KLHL32: variants seen among roughly 807,000 people sequenced by gnomAD.
The protein encoded by KLHL32 is kelch like family member 32.
KLHL32 carries 35 observed loss-of-function variants against 64.8 expected under a neutral mutation model. The ratio of observed to expected loss-of-function variants is 0.54; its 90% CI spans 0.41 to 0.72. KLHL32 has a LOEUF of 0.72. Ranked by LOEUF, KLHL32 falls within the 30% of genes least tolerant of loss-of-function variation. The pLI, the probability that KLHL32 is intolerant of heterozygous loss-of-function variation, is 0.00. For synonymous variants in KLHL32, 259 were observed against 281.0 expected (o/e 0.92, Z 0.78); for missense variants, 589 against 768.5 (o/e 0.77, Z 2.76).
intron 3 of KLHL32, among the ~76,000 whole-genome samples, chr6:96,994,069 A>G (rs979519012): frequency 3.9e-5 from 6 of 152,232 alleles, no homozygotes; most frequent in African/African-American, 1.4e-4. Context: ...GCTGTTTGCT[A>G]TAGAAACATC....
At chr6:97,061,765 C>A (rs113573748) in intron 4 of KLHL32, among the ~76,000 whole-genome samples, 1 of 152,150 alleles carries the variant, frequency 6.6e-6, no homozygotes, top group Admixed American at 6.5e-5. Context: ...GCCAGTCCTT[C>A]GAGGCAGGTG....
At chr6:97,126,237 G>A (rs1184720879) in intron 7 of KLHL32, among the ~76,000 whole-genome samples, 1 of 151,838 alleles carries the variant, frequency 6.6e-6, no homozygotes, top group Non-Finnish European at 1.5e-5. Context: ...AGAACTACAT[G>A]TAAGGCAATA....
intron 6 of KLHL32, 53 bp from the exon 7 acceptor site, chr6:97,113,730 C>CTCTT: frequency 1.3e-6 from 2 of 1,577,004 alleles, no homozygotes; most frequent in Non-Finnish European, 1.7e-6. Context: ...CTGTTGCTTT[C>CTCTT]TCTTTCTTTC....
intron 3 of KLHL32, among the ~76,000 whole-genome samples, chr6:97,014,670 A>C (rs1055829620): frequency 6.6e-6 from 1 of 152,194 alleles, no homozygotes; most frequent in Non-Finnish European, 1.5e-5. Context: ...TGAGGCAGGT[A>C]TCTTCATTTT....
intron 3 of KLHL32, among the ~76,000 whole-genome samples, chr6:97,031,661 G>A (rs1021773040): frequency 6.6e-6 from 1 of 152,088 alleles, no homozygotes; most frequent in Non-Finnish European, 1.5e-5. Flanking sequence ...AAAACAGTAT[G>A]ATGTGATGTC....
chr6:96,917,413 T>C, the KLHL32 span, among the ~76,000 whole-genome samples: 1 of 152,202 alleles, frequency 6.6e-6, no homozygotes, highest in South Asian at 2.1e-4. Context: ...AGCTTGAGTT[T>C]AGAAGTAAAA....
intron 5 of KLHL32, among the ~76,000 whole-genome samples, chr6:97,078,294 G>A (rs1791920198): frequency 6.6e-6 from 1 of 152,126 alleles, no homozygotes; most frequent in Non-Finnish European, 1.5e-5. Flanking sequence ...CTTCATGTAT[G>A]CTACTACATC....
At chr6:97,019,715 G>A (rs9481200) in intron 3 of KLHL32, among the ~76,000 whole-genome samples, 3 of 151,962 alleles carry the variant, frequency 2.0e-5, no homozygotes, top group East Asian at 1.9e-4. Flanking sequence ...GCTTTCAACC[G>A]TAATAAAATA....
At chr6:97,084,658 G>A (rs1297124651) in intron 5 of KLHL32, among the ~76,000 whole-genome samples, 1 of 152,150 alleles carries the variant, frequency 6.6e-6, no homozygotes, top group Non-Finnish European at 1.5e-5. Context: ...GACCTACTTA[G>A]TTTGAAGTTT....
intron 6 of KLHL32, among the ~76,000 whole-genome samples, chr6:97,087,571 G>C (rs1287664307): frequency 6.6e-6 from 1 of 152,192 alleles, no homozygotes; most frequent in Non-Finnish European, 1.5e-5. Context: ...TGAAGCAAAA[G>C]GTGTTGGGGA....
chr6:97,056,723 G>A (rs1002407464), intron 4 of KLHL32, among the ~76,000 whole-genome samples: 12 of 152,228 alleles, frequency 7.9e-5, no homozygotes, highest in Admixed American at 5.2e-4. Context: ...AAATAATTCA[G>A]TAAATAATTC....
At chr6:97,033,450 C>T (rs1617057) in intron 3 of KLHL32, among the ~76,000 whole-genome samples, 26,243 of 151,974 alleles carry the variant, frequency 0.17, 2,648 homozygotes, top group African/African-American at 0.29. Context: ...AGATTGTTTC[C>T]GTATTGTGGC....
At chr6:97,015,958 T>G (rs1175452675) in intron 3 of KLHL32, among the ~76,000 whole-genome samples, 2 of 152,208 alleles carry the variant, frequency 1.3e-5, no homozygotes, top group African/African-American at 4.8e-5. Flanking sequence ...CTTGGAGGCT[T>G]CCATGTGATG....
intron 1 of KLHL32, among the ~76,000 whole-genome samples, chr6:96,947,011 A>T (rs1772000849): frequency 6.6e-6 from 1 of 152,204 alleles, no homozygotes; most frequent in South Asian, 2.1e-4. Context: ...CAGCTTGATT[A>T]CTTTCTTGAT....
intron 3 of KLHL32, among the ~76,000 whole-genome samples, chr6:96,979,676 G>T (rs1470904182): frequency 1.3e-5 from 2 of 152,042 alleles, no homozygotes; most frequent in East Asian, 1.9e-4. Flanking sequence ...TTTAGAATAG[G>T]TTTTTTCTAA....
chr6:97,040,791 C>A (rs1372328638), intron 3 of KLHL32, among the ~76,000 whole-genome samples: 3 of 152,184 alleles, frequency 2.0e-5, no homozygotes, highest in Non-Finnish European at 4.4e-5. Context: ...CCATGCTGTT[C>A]TCATGATAGT....
intron 3 of KLHL32, among the ~76,000 whole-genome samples, chr6:96,979,217 G>A (rs903450161): frequency 6.6e-6 from 1 of 152,034 alleles, no homozygotes; most frequent in Non-Finnish European, 1.5e-5. Context: ...TATTTGTCAG[G>A]ACCTATGTCC....
intron 3 of KLHL32, among the ~76,000 whole-genome samples, chr6:97,012,145 A>G (rs184315645): frequency 3.2e-4 from 49 of 152,320 alleles, no homozygotes; most frequent in Non-Finnish European, 5.7e-4. Flanking sequence ...CATGTCTGCC[A>G]TTAGCTATTG....
At chr6:97,001,486 G>T (rs13437270) in intron 3 of KLHL32, among the ~76,000 whole-genome samples, 37,252 of 151,970 alleles carry the variant, frequency 0.25, 5,889 homozygotes, top group East Asian at 0.53. Context: ...TTGTTTGTTT[G>T]TTTGAGACAG....
Sources: allele counts gnomAD v4.1 joint callset (sites outside exome capture counted in the v4.1 genomes callset), GRCh38; gene constraint gnomAD v4.1.1; transcripts MANE v1.5; gene names NCBI Gene and HGNC (gene_info 2026-07-23, HGNC 2026-07-21).